CLIC4: variants seen among roughly 807,000 people sequenced by gnomAD.
CLIC4 encodes the protein chloride intracellular channel protein 4.
A neutral mutation model predicts 24.6 loss-of-function variants in CLIC4; 13 were observed. The observed-to-expected ratio is 0.53, with a 90% CI of 0.34 to 0.84. The LOEUF (loss-of-function observed/expected upper bound fraction) is 0.84. Ranked by LOEUF, CLIC4 falls within the 40% of genes least tolerant of loss-of-function variation. The probability of loss-of-function intolerance (pLI) is 0.01; values close to 1 mark genes in which losing one functional copy is unlikely to be tolerated. For missense variants in CLIC4, 227 were observed against 301.7 expected (o/e 0.75, Z 1.83); for synonymous variants, 104 against 111.3 (o/e 0.93, Z 0.41).
At chr1:24,776,532 A>G (rs1212317985) in intron 1 of CLIC4, among the ~76,000 whole-genome samples, 1 of 152,248 alleles carries the variant, frequency 6.6e-6, no homozygotes, top group Non-Finnish European at 1.5e-5. Context: ...AGAAACCTTT[A>G]AATTTTAGAA....
chr1:24,758,225 G>C (rs553896571), intron 1 of CLIC4, among the ~76,000 whole-genome samples: 1 of 151,394 alleles, frequency 6.6e-6, no homozygotes, highest in African/African-American at 2.4e-5. Flanking sequence ...AGACAACTTA[G>C]AAAACAATAG....
chr1:24,806,599 C>T lies in CLIC4; in HGVS notation c.183-7495C>T, dbSNP rs150523806. Among the ~76,000 whole-genome samples, 19 of 152,242 alleles carry T rather than the reference C, an allele frequency of 1.2e-4. No individual in the cohort carries two copies. The East Asian group carries it at 3.7e-3, about 29-fold the overall frequency. On this transcript the variant is annotated intron_variant, in intron 2 of 5. Transcript: ENST00000374379. The stretch of plus-strand genomic sequence containing the variant: ...TAATGGAAAATTGGTAATCATATGT[C>T]CTTTAAACTTTCCTTGGTTGTATAT...
At chr1:24,756,231 C>T (rs1638848050) in intron 1 of CLIC4, among the ~76,000 whole-genome samples, 1 of 152,082 alleles carries the variant, frequency 6.6e-6, no homozygotes, top group Non-Finnish European at 1.5e-5. Flanking sequence ...GATCTCCTGA[C>T]CTCGTGATCC....
At chr1:24,830,434 A>T (rs564408051) in intron 4 of CLIC4, among the ~76,000 whole-genome samples, 1 of 151,872 alleles carries the variant, frequency 6.6e-6, no homozygotes, top group South Asian at 2.1e-4. Flanking sequence ...CCATGTTGAT[A>T]GACATCTAGA....
At chr1:24,778,589 T>C (rs757970109) in intron 1 of CLIC4, among the ~76,000 whole-genome samples, 10 of 152,328 alleles carry the variant, frequency 6.6e-5, no homozygotes, top group East Asian at 1.9e-4. Flanking sequence ...AATATGTCTT[T>C]GATGAAGAAT....
intron 2 of CLIC4, among the ~76,000 whole-genome samples, chr1:24,806,675 G>A (rs1177899702): frequency 6.6e-6 from 1 of 152,084 alleles, no homozygotes; most frequent in Non-Finnish European, 1.5e-5. Context: ...TTAATGCTAG[G>A]TAACCATTTA....
intron 2 of CLIC4, among the ~76,000 whole-genome samples, chr1:24,804,457 T>G (rs1051015666): frequency 3.2e-3 from 37 of 11,734 alleles, no homozygotes; most frequent in South Asian, 6.8e-3. Flanking sequence ...TGTGGGTGGG[T>G]GGGTGGTGGG....
intron 3 of CLIC4, among the ~76,000 whole-genome samples, chr1:24,825,856 A>C (rs886682188): frequency 6.6e-6 from 1 of 152,260 alleles, no homozygotes. Context: ...AATGTCTTCA[A>C]ATAAATGAGT....
chr1:24,747,565 G>A (rs1416398906), intron 1 of CLIC4, among the ~76,000 whole-genome samples: 1 of 150,204 alleles, frequency 6.7e-6, no homozygotes, highest in Non-Finnish European at 1.5e-5. Flanking sequence ...AGAAAGGAAG[G>A]GTGGTGGGTG....
chr1:24,783,547 C>T (rs111350026), intron 1 of CLIC4, among the ~76,000 whole-genome samples: 4,282 of 152,050 alleles, frequency 0.028, 185 homozygotes, highest in African/African-American at 0.098. Context: ...ACTAAAAATA[C>T]AAGAAATTAG....
At chr1:24,755,996 A>ATTTT (rs972121749) in intron 1 of CLIC4, among the ~76,000 whole-genome samples, 6 of 63,388 alleles carry the variant, frequency 9.5e-5, no homozygotes, top group East Asian at 8.8e-4. Context: ...TAATTTTTTG[A>ATTTT]TTTTTTTTTT....
At chr1:24,806,561 T>C (rs1053773055) in intron 2 of CLIC4, among the ~76,000 whole-genome samples, 2 of 152,206 alleles carry the variant, frequency 1.3e-5, no homozygotes, top group African/African-American at 4.8e-5. Context: ...GACTATTCAC[T>C]AATCACAAAT....
intron 1 of CLIC4, among the ~76,000 whole-genome samples, chr1:24,756,234 C>A (rs1002075739): frequency 2.0e-5 from 3 of 152,190 alleles, no homozygotes; most frequent in African/African-American, 7.2e-5. Flanking sequence ...CTCCTGACCT[C>A]GTGATCCGCC....
At chr1:24,826,514 A>G (rs2124166712) in intron 3 of CLIC4, among the ~76,000 whole-genome samples, 1 of 152,328 alleles carries the variant, frequency 6.6e-6, no homozygotes, top group Non-Finnish European at 1.5e-5. Flanking sequence ...ACTACTGAGC[A>G]CTTGAAATGT....
Position 24,753,657 on chromosome 1 carries a change from T to C in CLIC4, c.72+8032T>C, listed in dbSNP as rs1638806923. 1.3e-5 allele frequency among the ~76,000 whole-genome samples: 2 copies of C among 152,234 alleles called. 1 individual carries two copies. Among genetic ancestry groups the C allele is most frequent in the South Asian group, 4.1e-4 (2 of 4,836 alleles). On this transcript the variant is annotated intron_variant, in intron 1 of 5. Transcript: ENST00000374379. ...GCCAGGGAGACAAGTTATTTAAAAG[T>C]TGAGGATGAGACTTTTAAAACCTAA...
chr1:24,805,086 C>CAAAA lies in CLIC4; in HGVS notation c.182+7251_182+7254dup, dbSNP rs757976140. 1.3e-3 allele frequency among the ~76,000 whole-genome samples: 62 copies of CAAAA among 46,622 alleles called. 1 individual carries two copies. Among genetic ancestry groups the CAAAA allele is most frequent in the South Asian group, 2.9e-3 (3 of 1,038 alleles). The allele number at this position is 46,622 out of a possible 152,430, so 30.6% of individuals were successfully genotyped here. ...TGGGCAACAGAGTGAGACTCCATGTCAAAAAAAAAAAAAAAAAAACACAAA... is the reference window on the plus strand; with the variant it reads ...TGGGCAACAGAGTGAGACTCCATGTCAAAAAAAAAAAAAAAAAAAAAAACACAAA... On this transcript the variant is annotated intron_variant, in intron 2 of 5. Coordinates refer to ENST00000374379, the MANE Select transcript of CLIC4 (RefSeq NM_013943.3).
chr1:24,840,481 A>G (rs937330585), intron 5 of CLIC4, among the ~76,000 whole-genome samples: 2 of 152,242 alleles, frequency 1.3e-5, no homozygotes, highest in Non-Finnish European at 2.9e-5. Flanking sequence ...AAACAGATCT[A>G]AAATAGCATA....
At chr1:24,804,626 CAG>C (rs917252221) in intron 2 of CLIC4, among the ~76,000 whole-genome samples, 11 of 151,662 alleles carry the variant, frequency 7.3e-5, no homozygotes, top group Non-Finnish European at 1.2e-4. Context: ...TATAGACACA[CAG>C]AGAGGGAGTA....
intron 1 of CLIC4, among the ~76,000 whole-genome samples, chr1:24,783,278 G>C (rs1161217266): frequency 6.6e-6 from 1 of 152,100 alleles, no homozygotes; most frequent in Non-Finnish European, 1.5e-5. Context: ...TTGCCCTGTG[G>C]TTAGATAGGT....
Sources: gnomAD v4.1 joint callset for allele counts (sites outside exome capture counted in the v4.1 genomes callset) on GRCh38, gnomAD v4.1.1 for gene constraint, MANE v1.5 for transcripts, NCBI Gene and HGNC (gene_info 2026-07-23, HGNC 2026-07-21) for gene names.